The following CCNYL1 variants were observed in gnomAD, a reference collection of about 807,000 sequenced individuals.
The protein encoded by CCNYL1 is cyclin-Y-like protein 1.
Under a neutral mutation model 44.2 loss-of-function variants are expected in CCNYL1, and 16 were observed. The ratio of observed to expected loss-of-function variants is 0.36; its 90% confidence interval spans 0.25 to 0.55. The LOEUF (loss-of-function observed/expected upper bound fraction) is 0.55, where lower values mean the gene tolerates loss of function less well. Ranked by LOEUF, CCNYL1 falls within the 20% of genes least tolerant of loss-of-function variation. CCNYL1 has a pLI of 0.85. For missense variants in CCNYL1, 348 were observed against 451.8 expected (o/e 0.77, Z 2.08); for synonymous variants, 159 against 163.2 (o/e 0.97, Z 0.20).
chr2:207,732,030 G>C (rs1461278741), intron 3 of CCNYL1, among the ~76,000 whole-genome samples: 1 of 152,042 alleles, frequency 6.6e-6, no homozygotes, highest in Admixed American at 6.6e-5. Context: ...GGCTGGTCTC[G>C]AACTCCTGAC....
At chr2:207,721,712 C>T (rs1482636464) in intron 1 of CCNYL1, among the ~76,000 whole-genome samples, 1 of 151,530 alleles carries the variant, frequency 6.6e-6, no homozygotes, top group African/African-American at 2.4e-5. Flanking sequence ...CTTCTAGTTT[C>T]AAACATTCTT....
Position 207,721,737 on chromosome 2 carries a change from T to G in CCNYL1, c.221-3063T>G, listed in dbSNP as rs574604349. On this transcript the variant is annotated intron_variant, in intron 1 of 9. Transcript: ENST00000295414. ...CAAACATTCTTAGGAGTTTTTTGTT[T>G]TTTTTTTTTTTGTTTTGAGACAGAG... 1.8e-3 allele frequency among the ~76,000 whole-genome samples: 275 copies of G among 151,596 alleles called. 5 individuals are homozygous for G. The highest frequency in any genetic ancestry group is 0.015 in the Admixed American group (222 of 15,248).
intron 7 of CCNYL1, among the ~76,000 whole-genome samples, chr2:207,746,430 T>G (rs1224610604): frequency 1.3e-5 from 2 of 152,234 alleles, no homozygotes; most frequent in Non-Finnish European, 2.9e-5. Context: ...CATTATTTAT[T>G]GAACAACTCT....
At chr2:207,716,953 C>A (rs1174080648) in intron 1 of CCNYL1, among the ~76,000 whole-genome samples, 1 of 151,848 alleles carries the variant, frequency 6.6e-6, no homozygotes. Context: ...ACGAAAAATA[C>A]AAAAAATTAG....
chr2:207,734,003 T>A lies in CCNYL1; in HGVS notation c.387T>A (p.Asp129Glu). The change falls in exon 4 of 10, where the codon GAT becomes GAA. Residue 129 changes from aspartate (D) to glutamate (E), a missense_variant. Asp to Glu is a conservative substitution (Grantham distance 45). This residue lies in a region of CCNYL1 where 209 missense variants were observed against 247.7 expected (regional missense o/e 0.84). Transcript: ENST00000295414. ...GCTCATGCTCAACAATATTTCTAGATGACAGCACAGTCAGCCAGCCTAATC... is the reference window on the plus strand; with the variant it reads ...GCTCATGCTCAACAATATTTCTAGAAGACAGCACAGTCAGCCAGCCTAATC... ...KYSSCSTIFL[D>E]DSTVSQPNLR... The A allele has an allele frequency of 1.9e-6, 3 of 1,613,824 alleles. No individual in the cohort carries two copies. Among genetic ancestry groups the A allele is most frequent in the Non-Finnish European group, 2.5e-6 (3 of 1,179,766 alleles).
chr2:207,738,677 G>A (rs185922555), intron 5 of CCNYL1, among the ~76,000 whole-genome samples: 1 of 151,878 alleles, frequency 6.6e-6, no homozygotes. Flanking sequence ...CTAATATTAT[G>A]CATTGGTTAT....
chr2:207,721,688 A>G (rs951591767), intron 1 of CCNYL1, among the ~76,000 whole-genome samples: 3 of 152,140 alleles, frequency 2.0e-5, no homozygotes, highest in African/African-American at 7.2e-5. Context: ...TAACCATGAT[A>G]TCAAAAACTA....
intron 8 of CCNYL1, among the ~76,000 whole-genome samples, chr2:207,748,337 C>A (rs1272434375): frequency 6.6e-6 from 1 of 152,188 alleles, no homozygotes; most frequent in East Asian, 1.9e-4. Context: ...CTTTGGGGGC[C>A]TTGAGTTACC....
chr2:207,747,529 C>G (rs1483303549), intron 8 of CCNYL1, among the ~76,000 whole-genome samples: 1 of 151,984 alleles, frequency 6.6e-6, no homozygotes, highest in East Asian at 1.9e-4. Context: ...AACAACATAG[C>G]ACAGTAAATA....
rs1404499176 is a variant in CCNYL1 at position 207,720,562 on chromosome 2, C to G, written c.221-4238C>G. On this transcript the variant is annotated intron_variant, in intron 1 of 9. Coordinates refer to ENST00000295414, the MANE Select transcript of CCNYL1 (RefSeq NM_001330218.2). The stretch of plus-strand genomic sequence containing the variant: ...TAGCTGGAACTACAGGCATGTGCCT[C>G]CACACCCAACTAATCTTTTAAAAAA... 2.0e-5 allele frequency among the ~76,000 whole-genome samples: 3 copies of G among 152,030 alleles called. No individual in the cohort carries two copies. In the South Asian group the frequency reaches 6.2e-4, roughly 32 times the overall value.
intron 3 of CCNYL1, among the ~76,000 whole-genome samples, chr2:207,732,566 TA>T (rs1422851698): frequency 6.6e-6 from 1 of 151,940 alleles, no homozygotes; most frequent in African/African-American, 2.4e-5. Flanking sequence ...ATCATATTAA[TA>T]GGAAGAAGGA....
At chr2:207,725,962 T>C (rs2105824031) in intron 2 of CCNYL1, among the ~76,000 whole-genome samples, 1 of 152,090 alleles carries the variant, frequency 6.6e-6, no homozygotes, top group East Asian at 1.9e-4. Flanking sequence ...AGCAGGGGAG[T>C]TGTAAGCAGC....
intron 3 of CCNYL1, among the ~76,000 whole-genome samples, chr2:207,730,921 A>T (rs1020498963): frequency 6.6e-6 from 1 of 152,176 alleles, no homozygotes; most frequent in African/African-American, 2.4e-5. Flanking sequence ...ATTTATGGTC[A>T]ATCTGCCATG....
chr2:207,722,143 G>GTTCA (rs1350609274), intron 1 of CCNYL1, among the ~76,000 whole-genome samples: 1 of 150,208 alleles, frequency 6.7e-6, no homozygotes, highest in East Asian at 1.9e-4. Flanking sequence ...TGTGATCTTG[G>GTTCA]TTCACTGCAA....
rs1275899775 is a variant in CCNYL1, at chr2:207,755,217, A to AAAAAATAAT, written c.*1527_*1535dup. ...AACATAGTGAGACCCTGCCTGTAAAAAAAAATAATAAAAATAGTTGGATAT... is the reference window on the plus strand; with the variant it reads ...AACATAGTGAGACCCTGCCTGTAAAAAAAAATAATAAAAATAATAAAAATAGTTGGATAT... On this transcript the variant is annotated 3_prime_UTR_variant, in exon 10 of 10. Coordinates refer to ENST00000295414, the MANE Select transcript of CCNYL1 (RefSeq NM_001330218.2). 1 of 152,076 alleles carries AAAAAATAAT rather than the reference A, an allele frequency of 6.6e-6. No homozygotes were observed. The highest frequency in any genetic ancestry group is 1.9e-4 in the East Asian group (1 of 5,160). 9.4% of individuals were successfully genotyped at this position (152,076 alleles called of 1,614,324 possible). A position where few individuals can be genotyped will look rare whatever the true frequency, so the allele number is the denominator to read the frequency against.
chr2:207,729,475 G>T (rs1370263879), intron 3 of CCNYL1, among the ~76,000 whole-genome samples: 1 of 151,952 alleles, frequency 6.6e-6, no homozygotes, highest in East Asian at 1.9e-4. Context: ...GCTCTCTCTT[G>T]TTGGAGGCTT....
At chr2:207,751,862 A>G (rs1021761848) in intron 9 of CCNYL1, among the ~76,000 whole-genome samples, 29 of 150,836 alleles carry the variant, frequency 1.9e-4, no homozygotes, top group African/African-American at 6.8e-4. Flanking sequence ...CTCAAAAAAA[A>G]AAAAAAAAAG....
intron 9 of CCNYL1, among the ~76,000 whole-genome samples, chr2:207,752,109 A>G (rs1204314640): frequency 6.9e-6 from 1 of 145,814 alleles, no homozygotes; most frequent in African/African-American, 2.7e-5. Flanking sequence ...GCCACTCTTG[A>G]CTGTCTTACT....
At chr2:207,712,218 C>A (rs980854228) in intron 1 of CCNYL1, 102 bp downstream of exon 1, 5 of 950,734 alleles carry the variant, frequency 5.3e-6, no homozygotes, top group Non-Finnish European at 7.7e-6. Context: ...TCCTTCCTGC[C>A]GGTAGCCGGC....
Sources: allele counts gnomAD v4.1 joint callset (sites outside exome capture counted in the v4.1 genomes callset), GRCh38; gene constraint gnomAD v4.1.1; regional missense constraint gnomAD v4.1.1; transcripts MANE v1.5; gene names NCBI Gene and HGNC (gene_info 2026-07-23, HGNC 2026-07-21).